Variants in ZNF658 observed in about 807,000 individuals in gnomAD.
The protein encoded by ZNF658 is zinc finger protein 658.
In ZNF658, 46 loss-of-function variants were observed where a neutral mutation model predicts 78.0. That is an observed-to-expected ratio of 0.59 (90% CI 0.47 to 0.75). The LOEUF is 0.75. Among genes scored for constraint, ZNF658 ranks in the 30% least tolerant of loss-of-function variants. The pLI, the probability that ZNF658 is intolerant of heterozygous loss-of-function variation, is 0.00. For synonymous variants in ZNF658, 279 were observed against 408.4 expected, an observed-to-expected ratio of 0.68 and a Z score of 3.82; for missense variants, 785 against 1,189.3, an observed-to-expected ratio of 0.66 and a Z score of 5.00.
rs1822592712 is a variant in ZNF658, at chr9:66,927,057, A to T, written c.*54+2720A>T. On this transcript the variant is annotated intron_variant and NMD_transcript_variant, in intron 6 of 6. Transcript: ENST00000622180. ...TATACCATACACAAAAATTAAATCA[A>T]AATGGATTAAAAACTTAAATGCAAG... 2.6e-5 allele frequency among the ~76,000 whole-genome samples: 4 copies of T among 152,264 alleles called. No individual in the cohort carries two copies. In the East Asian group the frequency reaches 7.7e-4, roughly 29 times the overall value.
Position 66,920,113 on chromosome 9 carries a change from T to TG in ZNF658, c.2551dup (p.Glu851GlyfsTer5), listed in dbSNP as rs1233373031. ...TCTGTGCACATCAGAGAATTCATACTGGGGAAAAACCCTATGAGTGTAATG... is the reference window on the plus strand; with the variant it reads ...TCTGTGCACATCAGAGAATTCATACTGGGGGAAAAACCCTATGAGTGTAATG... On this transcript the variant is annotated frameshift_variant, in exon 5 of 5. Coordinates refer to ENST00000621410, the MANE Select transcript of ZNF658 (RefSeq NM_033160.7). LOFTEE classifies it high-confidence loss of function. 6.2e-7 allele frequency: 1 copy of TG among 1,610,186 alleles called. No homozygotes were observed. Among genetic ancestry groups the TG allele is most frequent in the Non-Finnish European group, 8.5e-7 (1 of 1,179,132 alleles).
chr9:66,917,807 T>C lies in ZNF658; in HGVS notation c.241T>C (p.Tyr81His). ...ATTTTCAATTTTTCTCATTTTAGGGTATTTTAAAGTTGATCACATCAAAGG... is the reference window on the plus strand; with the variant it reads ...ATTTTCAATTTTTCTCATTTTAGGGCATTTTAAAGTTGATCACATCAAAGG... ...DEFLNQRYPG[Y>H]FKVDHIKGIR... is the part of the protein sequence containing the mutation. The change falls in exon 5 of 5, where the codon TAT (tyrosine) becomes CAT (histidine). Residue 81 changes from tyrosine (Y) to histidine (H), a missense_variant and splice_region_variant. Transcript: ENST00000621410. 1.1e-6 allele frequency: 1 copy of C among 919,234 alleles called. No individual in the cohort carries two copies. Among genetic ancestry groups the C allele is most frequent in the East Asian group, 2.7e-5 (1 of 36,520 alleles). 56.9% of individuals were successfully genotyped at this position (919,234 alleles called of 1,614,324 possible). A position where few individuals can be genotyped will look rare whatever the true frequency, so the allele number is the denominator to read the frequency against.
chr9:66,929,594 G>C (rs1452124586), intron 6 of ZNF658, among the ~76,000 whole-genome samples: 2 of 151,664 alleles, frequency 1.3e-5, no homozygotes, highest in East Asian at 3.9e-4. Flanking sequence ...TTAGATTTGA[G>C]TCAATTTTTC....
intron 4 of ZNF658, among the ~76,000 whole-genome samples, chr9:66,909,001 G>A (rs1050230656): frequency 6.6e-6 from 1 of 152,090 alleles, no homozygotes. Context: ...TATGTACATG[G>A]CATTTACATT....
In ZNF658 at chr9:66,921,383, T is replaced by G. The variant is rs931597590; in HGVS notation, c.*637T>G. 1 of 151,622 alleles carries G rather than the reference T, an allele frequency of 6.6e-6. No individual in the cohort carries two copies. Among genetic ancestry groups the G allele is most frequent in the Non-Finnish European group, 1.5e-5 (1 of 67,898 alleles). 9.4% of individuals were successfully genotyped at this position (151,622 alleles called of 1,614,324 possible). On this transcript the variant is annotated 3_prime_UTR_variant, in exon 5 of 5. Coordinates refer to ENST00000621410, the MANE Select transcript of ZNF658 (RefSeq NM_033160.7). ...CCACAAAAACCTTCGTAAAGTGAATTGCATTAAACATCAATTATAATAAAA... is the reference window on the plus strand; with the variant it reads ...CCACAAAAACCTTCGTAAAGTGAATGGCATTAAACATCAATTATAATAAAA...
In ZNF658 at chr9:66,902,733, C is replaced by T. The variant is rs969539723; in HGVS notation, c.-44-785C>T. Among the ~76,000 whole-genome samples the T allele has an allele frequency of 7.2e-5, 11 of 151,924 alleles. No individual in the cohort carries two copies. The South Asian group carries it at 1.0e-3, about 14-fold the overall frequency. On this transcript the variant is annotated intron_variant, in intron 1 of 4. Coordinates refer to ENST00000621410, the MANE Select transcript of ZNF658 (RefSeq NM_033160.7). The stretch of plus-strand genomic sequence containing the variant: ...AGGAAGAATTTCCTATATTGGAAGC[C>T]CAAAAATATTGGGCCTGAAATTCCT...
At chr9:66,925,604 T>C (rs1288592195), downstream of ZNF658, among the ~76,000 whole-genome samples, 1 of 151,834 alleles carries the variant, frequency 6.6e-6, no homozygotes, top group Non-Finnish European at 1.5e-5. Flanking sequence ...TAAAAAAAAC[T>C]CCCAACAAAG....
Position 66,920,921 on chromosome 9 carries a change from T to C in ZNF658, c.*175T>C, listed in dbSNP as rs1332912459. 1.3e-5 allele frequency: 10 copies of C among 750,868 alleles called. No homozygotes were observed. The highest frequency in any genetic ancestry group is 2.1e-5 in the Non-Finnish European group (9 of 438,912). The allele number at this position is 750,868 out of a possible 1,614,324, so 46.5% of individuals were successfully genotyped here. ...TGGGATGTGGTGCTAATGATAAATA[T>C]TACATTTACCCTTGGCCCTTAAAAA... On this transcript the variant is annotated 3_prime_UTR_variant, in exon 5 of 5. Coordinates refer to ENST00000621410, the MANE Select transcript of ZNF658 (RefSeq NM_033160.7).
chr9:66,910,699 G>A (rs1159025533), intron 4 of ZNF658, among the ~76,000 whole-genome samples: 1 of 151,706 alleles, frequency 6.6e-6, no homozygotes, highest in Non-Finnish European at 1.5e-5. Context: ...GGGAGGCTGA[G>A]GCAGGAGAAT....
Position 66,918,162 on chromosome 9 carries a change from G to T in ZNF658, c.596G>T (p.Ser199Ile). The change falls in exon 5 of 5, where the codon AGT becomes ATT. Residue 199 changes from serine (S) to isoleucine (I), a missense_variant. Physicochemically the swap from Ser to Ile is moderately radical, Grantham distance 142. Around this residue, in one of 12 missense-constraint regions of ZNF658, gnomAD observed 393 missense variants for 400.2 expected, o/e 0.98. Transcript: ENST00000621410. ...YEHGENAKAF[S>I]YKKDQHWKFQ... ...CATGGTGAAAATGCTAAAGCTTTCA[G>T]TTATAAGAAAGATCAGCATTGGAAA... 1 of 1,606,048 alleles carries T rather than the reference G, an allele frequency of 6.2e-7. No individual in the cohort carries two copies. The highest frequency in any genetic ancestry group is 1.8e-4 in the Middle Eastern group (1 of 5,640).
At chr9:66,931,838 A>T (rs1822648402) in intron 6 of ZNF658, among the ~76,000 whole-genome samples, 1 of 147,040 alleles carries the variant, frequency 6.8e-6, no homozygotes, top group Non-Finnish European at 1.5e-5. Context: ...GACATAGTCT[A>T]TTGAAGCAGT....
chr9:66,901,280 C>T (rs1297533595), intron 1 of ZNF658, among the ~76,000 whole-genome samples: 1 of 152,064 alleles, frequency 6.6e-6, no homozygotes, highest in Non-Finnish European at 1.5e-5. Context: ...AAAAAATGGA[C>T]GAAAGTTCAT....
At chr9:66,928,580 C>T (rs543565261) in intron 6 of ZNF658, among the ~76,000 whole-genome samples, 58 of 151,324 alleles carry the variant, frequency 3.8e-4, no homozygotes, top group African/African-American at 1.2e-3. Flanking sequence ...AGGCCATACA[C>T]GGTGGCTCAT....
intron 4 of ZNF658, among the ~76,000 whole-genome samples, chr9:66,914,758 C>T (rs1822294198): frequency 6.6e-6 from 1 of 151,828 alleles, no homozygotes; most frequent in Non-Finnish European, 1.5e-5. Flanking sequence ...AACTGTTTGG[C>T]ATTTTTGAGG....
At position 66,908,315 on chromosome 9, in the gene ZNF658, G is replaced by A. The variant is rs758494385; in HGVS notation, c.93G>A (p.Thr31=). The change falls in exon 3 of 5, where the codon ACG becomes ACA. Residue 31 remains threonine (T), a synonymous_variant. Transcript: ENST00000621410. Reference sequence around the variant, plus strand: ...AGCACCTGGGCCCTGTCGAGAGGACGCTGTACAGAGATGTGATGCTGGAGA... The same window carrying A: ...AGCACCTGGGCCCTGTCGAGAGGACACTGTACAGAGATGTGATGCTGGAGA... ...EWQHLGPVER[T]LYRDVMLENY... is the part of the protein sequence containing the mutation. 5.8e-5 allele frequency: 93 copies of A among 1,613,946 alleles called. No homozygotes were observed. The highest frequency in any genetic ancestry group is 2.5e-4 in the East Asian group (11 of 44,884).
chr9:66,908,594 C>G, intron 3 of ZNF658, 45 bp from the exon 4 acceptor site: 1 of 1,546,422 alleles, frequency 6.5e-7, no homozygotes, highest in East Asian at 2.3e-5. Context: ...CTTTGGAAAT[C>G]CAAAAGCCTG....
downstream of ZNF658, among the ~76,000 whole-genome samples, chr9:66,922,185 C>A (rs569617633): frequency 6.9e-6 from 1 of 144,110 alleles, no homozygotes; most frequent in African/African-American, 2.5e-5. Flanking sequence ...GTGCCATTTG[C>A]TAAGGCCATT....
In ZNF658 at chr9:66,920,127, A is replaced by G. The variant is rs1022932664; in HGVS notation, c.2561A>G (p.Tyr854Cys). 4 of 1,612,290 alleles carry G rather than the reference A, an allele frequency of 2.5e-6. No individual in the cohort carries two copies. Among genetic ancestry groups the G allele is most frequent in the Admixed American group, 1.7e-5 (1 of 59,948 alleles). ...AGAATTCATACTGGGGAAAAACCCTATGAGTGTAATGAATGTGGGAAAACG... is the reference window on the plus strand; with the variant it reads ...AGAATTCATACTGGGGAAAAACCCTGTGAGTGTAATGAATGTGGGAAAACG... ...HQRIHTGEKP[Y>C]ECNECGKTFA... The change falls in exon 5 of 5, where the codon TAT (tyrosine) becomes TGT (cysteine). Residue 854 changes from tyrosine to cysteine, a missense_variant. Around this residue, in one of 12 missense-constraint regions of ZNF658, gnomAD observed 58 missense variants for 63.0 expected, o/e 0.92. Transcript: ENST00000621410.
intron 4 of ZNF658, among the ~76,000 whole-genome samples, chr9:66,911,011 A>G (rs1257893140): frequency 6.7e-6 from 1 of 150,262 alleles, no homozygotes; most frequent in South Asian, 2.1e-4. Flanking sequence ...TAAAACATAA[A>G]ATAATGGAGT....
Sources: allele counts gnomAD v4.1 joint callset (sites outside exome capture counted in the v4.1 genomes callset), GRCh38; gene constraint gnomAD v4.1.1; regional missense constraint gnomAD v4.1.1; transcripts MANE v1.5; gene names NCBI Gene and HGNC (gene_info 2026-07-23, HGNC 2026-07-21).